FAM167A: variants seen among roughly 807,000 people sequenced by gnomAD.
FAM167A encodes family with sequence similarity 167 member A.
FAM167A carries 23 observed loss-of-function variants against 14.9 expected under a neutral mutation model. The observed-to-expected ratio is 1.55, with a 90% CI of 1.11 to 2.19. FAM167A has a LOEUF of 2.19. Ranked by LOEUF, FAM167A falls within the 30% of genes most tolerant of loss-of-function variation. The probability of loss-of-function intolerance (pLI) is 0.00; values close to 1 mark genes in which losing one functional copy is unlikely to be tolerated. For synonymous variants in FAM167A, 174 were observed against 117.7 expected (o/e 1.48, Z -3.10); for missense variants, 401 against 281.5 (o/e 1.42, Z -3.04).
At chr8:11,441,157 G>GC (rs1243732022) in intron 2 of FAM167A, among the ~76,000 whole-genome samples, 1 of 152,158 alleles carries the variant, frequency 6.6e-6, no homozygotes, top group Non-Finnish European at 1.5e-5. Context: ...ACTCAGGGTG[G>GC]GATGCTGTGG....
chr8:11,435,925 C>G (rs554428749), intron 2 of FAM167A, among the ~76,000 whole-genome samples: 92 of 152,376 alleles, frequency 6.0e-4, no homozygotes, highest in Non-Finnish European at 1.1e-3. Flanking sequence ...TCTTCATACA[C>G]AGAACCACAG....
At chr8:11,433,081 A>G (rs752714633) in intron 2 of FAM167A, among the ~76,000 whole-genome samples, 16 of 152,118 alleles carry the variant, frequency 1.1e-4, no homozygotes, top group African/African-American at 2.4e-4. Flanking sequence ...GGGAGGGATA[A>G]CATTAGGAGA....
chr8:11,471,976 A>T (rs573919376), upstream of FAM167A, among the ~76,000 whole-genome samples: 1 of 152,352 alleles, frequency 6.6e-6, no homozygotes. Flanking sequence ...CAAGGGTCCA[A>T]GGATGCAAAT....
chr8:11,423,635 A>G lies in FAM167A; in HGVS notation c.*738T>C, dbSNP rs1437518031. 1 of 152,264 alleles carries G rather than the reference A, an allele frequency of 6.6e-6. No homozygotes were observed. The highest frequency in any genetic ancestry group is 2.4e-5 in the African/African-American group (1 of 41,450). The allele number at this position is 152,264 out of a possible 1,614,324, so 9.4% of individuals were successfully genotyped here. On this transcript the variant is annotated 3_prime_UTR_variant, in exon 3 of 3. Transcript: ENST00000284486. ...CACCCTGGGGTGTGGGTGGCAGTGA[A>G]GAGGCTCTTTGGAGATGCATGTGGC...
intron 2 of FAM167A, chr8:11,433,998 G>T (rs1049759594): frequency 6.6e-6 from 1 of 152,212 alleles, no homozygotes; most frequent in African/African-American, 2.4e-5. Flanking sequence ...ACATGATCTT[G>T]GGTTTGGTCC....
intron 1 of FAM167A, among the ~76,000 whole-genome samples, chr8:11,466,283 G>C (rs910461572): frequency 1.3e-5 from 2 of 152,214 alleles, no homozygotes; most frequent in South Asian, 4.1e-4. Context: ...CCTGGGAGTG[G>C]ACCCGGAGAG....
rs1161581826 is a variant in FAM167A, at chr8:11,423,964, C to T, written c.*409G>A. ...CAGGCACATCTGACATGCCTAATTTCCCCCAAGGCCCTTGCGGGACAGCCT... is the reference window on the plus strand; with the variant it reads ...CAGGCACATCTGACATGCCTAATTTTCCCCAAGGCCCTTGCGGGACAGCCT... On this transcript the variant is annotated 3_prime_UTR_variant, in exon 3 of 3. Coordinates refer to ENST00000284486, the MANE Select transcript of FAM167A (RefSeq NM_053279.3). 4.9e-6 allele frequency: 1 copy of T among 202,144 alleles called. No individual in the cohort carries two copies. Among genetic ancestry groups the T allele is most frequent in the Non-Finnish European group, 1.0e-5 (1 of 98,230 alleles). The allele number at this position is 202,144 out of a possible 1,614,324, so 12.5% of individuals were successfully genotyped here. A position where few individuals can be genotyped will look rare whatever the true frequency, so the allele number is the denominator to read the frequency against.
intron 1 of FAM167A, among the ~76,000 whole-genome samples, chr8:11,458,697 G>C (rs1190355875): frequency 6.6e-6 from 1 of 152,188 alleles, no homozygotes; most frequent in Non-Finnish European, 1.5e-5. Context: ...CAGCTCAGCT[G>C]GGAGGATATA....
intron 2 of FAM167A, among the ~76,000 whole-genome samples, chr8:11,438,938 GGTT>G (rs1806243860): frequency 6.6e-6 from 1 of 152,204 alleles, no homozygotes; most frequent in Non-Finnish European, 1.5e-5. Context: ...CCCTGGAAAT[GGTT>G]GTTATGAGGC....
At chr8:11,445,417 T>C (rs999907602) in intron 1 of FAM167A, 152 of 985,686 alleles carry the variant, frequency 1.5e-4, no homozygotes, top group Non-Finnish European at 1.8e-4. Context: ...AACAACACCT[T>C]ACCTCACCTC....
chr8:11,461,864 C>T (rs907563622), intron 1 of FAM167A, among the ~76,000 whole-genome samples: 5 of 152,242 alleles, frequency 3.3e-5, no homozygotes, highest in Non-Finnish European at 5.9e-5. Context: ...AGGCCTTTCA[C>T]GGTGTTCCCT....
At chr8:11,432,250 A>G (rs1388681385) in intron 2 of FAM167A, among the ~76,000 whole-genome samples, 1 of 152,208 alleles carries the variant, frequency 6.6e-6, no homozygotes, top group Admixed American at 6.5e-5. Context: ...TAAAAATTTA[A>G]AAAAGGACAT....
At chr8:11,436,615 ATCTGCAGG>A (rs1163653919) in intron 2 of FAM167A, among the ~76,000 whole-genome samples, 6 of 152,178 alleles carry the variant, frequency 3.9e-5, no homozygotes, top group Non-Finnish European at 8.8e-5. Context: ...GGCCTCCCCC[ATCTGCAGG>A]CAGGAATTGG....
rs1362098755 is a variant in FAM167A, at chr8:11,421,676, A to C, written c.*2697T>G. Reference sequence around the variant, plus strand: ...TGCCCAGGCCCTCCAGGCCTCTTTGATAGCTACTGAGCCCCTGAAGGCATC... The same window carrying C: ...TGCCCAGGCCCTCCAGGCCTCTTTGCTAGCTACTGAGCCCCTGAAGGCATC... On this transcript the variant is annotated 3_prime_UTR_variant, in exon 3 of 3. Transcript: ENST00000284486. 5 of 398,850 alleles carry C rather than the reference A, an allele frequency of 1.3e-5. No individual in the cohort carries two copies. The highest frequency in any genetic ancestry group is 2.1e-5 in the African/African-American group (1 of 48,624). 24.7% of individuals were successfully genotyped at this position (398,850 alleles called of 1,614,324 possible).
At chr8:11,437,822 G>A (rs1425936557) in intron 2 of FAM167A, among the ~76,000 whole-genome samples, 2 of 147,104 alleles carry the variant, frequency 1.4e-5, no homozygotes, top group Non-Finnish European at 2.9e-5. Flanking sequence ...GGGAAATAAG[G>A]AGAAACTTAA....
rs1276162972 is a variant in FAM167A, at chr8:11,422,360, GT to G, written c.*2012del. 1 of 117,404 alleles carries G rather than the reference GT, an allele frequency of 8.5e-6. No individual in the cohort carries two copies. Among genetic ancestry groups the G allele is most frequent in the Non-Finnish European group, 1.8e-5 (1 of 57,066 alleles). 7.3% of individuals were successfully genotyped at this position (117,404 alleles called of 1,614,324 possible). ...GTTTATGGCATGTTCTCTGTCGTGT[GT>G]GTGTGTGTGGGGGTGTGTGTGTGTG... On this transcript the variant is annotated 3_prime_UTR_variant, in exon 3 of 3. Coordinates refer to ENST00000284486, the MANE Select transcript of FAM167A (RefSeq NM_053279.3).
At chr8:11,473,291 G>C (rs1165194309) in intron 1 of FAM167A, among the ~76,000 whole-genome samples, 1 of 152,190 alleles carries the variant, frequency 6.6e-6, no homozygotes, top group African/African-American at 2.4e-5. Flanking sequence ...GGTGTGGGGG[G>C]AAGCTTGTTG....
chr8:11,440,135 G>A (rs1806341140), intron 2 of FAM167A, among the ~76,000 whole-genome samples: 1 of 152,134 alleles, frequency 6.6e-6, no homozygotes, highest in Admixed American at 6.5e-5. Flanking sequence ...GCTGCACAAC[G>A]GCCACTCCCC....
At chr8:11,433,164 C>T (rs1057199227) in intron 2 of FAM167A, among the ~76,000 whole-genome samples, 1 of 151,888 alleles carries the variant, frequency 6.6e-6, no homozygotes, top group Non-Finnish European at 1.5e-5. Flanking sequence ...TGTAACAAAT[C>T]TGCACATTCT....
Sources: allele counts gnomAD v4.1 joint callset (sites outside exome capture counted in the v4.1 genomes callset), GRCh38; gene constraint gnomAD v4.1.1; transcripts MANE v1.5; gene names NCBI Gene and HGNC (gene_info 2026-07-23, HGNC 2026-07-21).